GAS7: variants seen among roughly 807,000 people sequenced by gnomAD.
The protein encoded by GAS7 is growth arrest-specific protein 7.
Under a neutral mutation model 71.1 loss-of-function variants are expected in GAS7, and 28 were observed. That is an observed-to-expected ratio of 0.39 (90% confidence interval 0.29 to 0.54). The LOEUF is 0.54. Ranked by LOEUF, GAS7 falls within the 20% of genes least tolerant of loss-of-function variation. The pLI is 0.62. For missense variants in GAS7, 436 were observed against 627.8 expected (o/e 0.69, Z 3.27); for synonymous variants, 258 against 245.8 (o/e 1.05, Z -0.46).
chr17:9,948,642 C>T (rs2068882653), intron 5 of GAS7, among the ~76,000 whole-genome samples: 2 of 151,668 alleles, frequency 1.3e-5, no homozygotes, highest in African/African-American at 4.9e-5. Flanking sequence ...GAGATTGTGC[C>T]ATTGCACTCC....
chr17:9,926,071 G>T lies in GAS7; in HGVS notation c.1015-472C>A, dbSNP rs751901751. On this transcript the variant is annotated intron_variant, in intron 10 of 13. Coordinates refer to ENST00000432992, the MANE Select transcript of GAS7 (RefSeq NM_201433.2). The surrounding 1 kb of genome is among the most constrained non-coding windows in gnomAD (Gnocchi z 5.0). ...CCAGGCCACCACTGGCATCTCTGTG[G>T]TCCTTGGGTGGCGGCAGTTGGCTGG... Among the ~76,000 whole-genome samples the T allele has an allele frequency of 1.1e-4, 16 of 152,042 alleles. No homozygotes were observed. The highest frequency in any genetic ancestry group is 2.1e-4 in the Non-Finnish European group (14 of 68,012).
chr17:10,074,058 T>C (rs1481246480), intron 1 of GAS7, among the ~76,000 whole-genome samples: 1 of 152,196 alleles, frequency 6.6e-6, no homozygotes, highest in Non-Finnish European at 1.5e-5. Context: ...GCTTACTTTC[T>C]GGAAGAGAGA....
intron 3 of GAS7, among the ~76,000 whole-genome samples, chr17:9,980,396 G>A (rs773248809): frequency 1.3e-5 from 2 of 152,156 alleles, no homozygotes; most frequent in African/African-American, 2.4e-5. Flanking sequence ...ATTACCTTTG[G>A]TCCTTCCTGT....
In GAS7 at chr17:10,056,712, A is replaced by G. The variant is rs551629343; in HGVS notation, c.184-36815T>C. On this transcript the variant is annotated intron_variant, in intron 1 of 13. Coordinates refer to ENST00000432992, the MANE Select transcript of GAS7 (RefSeq NM_201433.2). Reference sequence around the variant, plus strand: ...CGGTGAAACCCCGTCTCTACTAAAAATACAAAAATTAGCTCCCTCTCCCTC... The same window carrying G: ...CGGTGAAACCCCGTCTCTACTAAAAGTACAAAAATTAGCTCCCTCTCCCTC... 2.0e-5 allele frequency among the ~76,000 whole-genome samples: 3 copies of G among 152,138 alleles called. 1 individual carries two copies. Among genetic ancestry groups the G allele is most frequent in the Admixed American group, 6.5e-5 (1 of 15,290 alleles).
At chr17:9,955,213 C>T (rs937039900) in intron 5 of GAS7, among the ~76,000 whole-genome samples, 2 of 152,182 alleles carry the variant, frequency 1.3e-5, no homozygotes, top group Non-Finnish European at 2.9e-5. Context: ...TGCTCCAAAG[C>T]CCAAGGAGGG....
chr17:9,934,893 A>G (rs943482733), intron 8 of GAS7, among the ~76,000 whole-genome samples: 17 of 152,072 alleles, frequency 1.1e-4, no homozygotes, highest in African/African-American at 4.1e-4. Flanking sequence ...GTGCCACCAC[A>G]TCCGGCTAAT....
chr17:10,190,116 G>A (rs2074486799), intron 1 of GAS7, among the ~76,000 whole-genome samples: 1 of 152,190 alleles, frequency 6.6e-6, no homozygotes, highest in South Asian at 2.1e-4. Flanking sequence ...GAGTGGATTA[G>A]TTGTGACAGA....
chr17:9,917,336 G>C lies in GAS7; in HGVS notation c.1323C>G (p.Val441=). The C allele has an allele frequency of 6.2e-7, 1 of 1,610,614 alleles. No individual in the cohort carries two copies. Among genetic ancestry groups the C allele is most frequent in the Non-Finnish European group, 8.5e-7 (1 of 1,176,720 alleles). The change falls in exon 14 of 14, where the codon GTC becomes GTG. Residue 441 remains valine (V), a synonymous_variant. Transcript: ENST00000432992. ...HETDMFNQST[V]EPVDQLLRKV... ...TTCGAAGCAGCTGATCCACGGGCTC[G>C]ACTGTCTGCAAGAGACAGAGAAAAT...
rs78761722 is a variant in GAS7 at position 9,987,984 on chromosome 17, C to T, written c.305-6100G>A. Among the ~76,000 whole-genome samples the T allele has an allele frequency of 6.2e-3, 938 of 152,300 alleles. 14 individuals are homozygous for T. Among genetic ancestry groups the T allele is most frequent in the East Asian group, 0.04 (207 of 5,164 alleles). On this transcript the variant is annotated intron_variant, in intron 2 of 13. Transcript: ENST00000432992. ...CTCGTCCACTTTTCTTGGCTTGTGCCGGCTCTCTGCTGCCCCCTGTGGTTA... is the reference window on the plus strand; with the variant it reads ...CTCGTCCACTTTTCTTGGCTTGTGCTGGCTCTCTGCTGCCCCCTGTGGTTA...
At chr17:10,120,114 C>T (rs1227068588) in intron 1 of GAS7, among the ~76,000 whole-genome samples, 4 of 150,702 alleles carry the variant, frequency 2.7e-5, no homozygotes, top group South Asian at 2.1e-4. Flanking sequence ...GCCCCCGCCC[C>T]GTGACAATCC....
rs201254619 is a variant in GAS7, at chr17:10,007,625, CAAAAAAAAAAA to C, written c.304+12141_304+12151del. ...TGGGAGACACAGCAAGATTCTGTCTCAAAAAAAAAAAAAAAAAAAAAAAAAGAACAGTTTCT... is the reference window on the plus strand; with the variant it reads ...TGGGAGACACAGCAAGATTCTGTCTCAAAAAAAAAAAAAAGAACAGTTTCT... On this transcript the variant is annotated intron_variant, in intron 2 of 13. Transcript: ENST00000432992. Among the ~76,000 whole-genome samples, 19 of 46,600 alleles carry C rather than the reference CAAAAAAAAAAA, an allele frequency of 4.1e-4. 1 individual carries two copies. In the East Asian group the frequency reaches 7.8e-3, roughly 19 times the overall value. The allele number at this position is 46,600 out of a possible 152,430, so 30.6% of individuals were successfully genotyped here. A position where few individuals can be genotyped will look rare whatever the true frequency, so the allele number is the denominator to read the frequency against.
chr17:10,030,606 G>T (rs906706473), intron 1 of GAS7, among the ~76,000 whole-genome samples: 18 of 152,356 alleles, frequency 1.2e-4, no homozygotes, highest in African/African-American at 4.3e-4. Context: ...AGAGTCCTCT[G>T]TGTGTCACCT....
chr17:10,079,381 AG>A (rs2073432544), intron 1 of GAS7, among the ~76,000 whole-genome samples: 1 of 152,222 alleles, frequency 6.6e-6, no homozygotes, highest in African/African-American at 2.4e-5. Context: ...CAGATCATGA[AG>A]GGAAATGGGG....
chr17:9,970,107 G>A (rs1266256691), intron 3 of GAS7, among the ~76,000 whole-genome samples: 2 of 151,878 alleles, frequency 1.3e-5, no homozygotes, highest in Admixed American at 1.3e-4. Context: ...TGCCAGTCAC[G>A]GGTCCAATCT....
chr17:10,028,891 G>A (rs992320523), intron 1 of GAS7, among the ~76,000 whole-genome samples: 11 of 152,166 alleles, frequency 7.2e-5, no homozygotes, highest in African/African-American at 1.9e-4. Flanking sequence ...AAATGCAAAC[G>A]TGAGGACAGA....
intron 1 of GAS7, among the ~76,000 whole-genome samples, chr17:10,131,547 G>C (rs546509110): frequency 6.6e-6 from 1 of 152,186 alleles, no homozygotes; most frequent in Admixed American, 6.5e-5. Context: ...GCTTGAACCC[G>C]GGAGGCGGAG....
At chr17:10,044,665 A>T (rs1597742780) in intron 1 of GAS7, among the ~76,000 whole-genome samples, 1 of 152,158 alleles carries the variant, frequency 6.6e-6, no homozygotes, top group East Asian at 1.9e-4. Flanking sequence ...AATTATCACA[A>T]ATCTCCAAAA....
intron 1 of GAS7, among the ~76,000 whole-genome samples, chr17:10,077,089 C>T (rs1391728510): frequency 6.6e-6 from 1 of 152,164 alleles, no homozygotes; most frequent in Non-Finnish European, 1.5e-5. Context: ...ATCCCATGTA[C>T]ACATAAAACT....
intron 1 of GAS7, among the ~76,000 whole-genome samples, chr17:10,123,610 C>G (rs1277731656): frequency 1.3e-5 from 2 of 152,240 alleles, no homozygotes; most frequent in Non-Finnish European, 2.9e-5. Context: ...CCTACTGGTC[C>G]TGTTTATCAT....
Sources: allele counts gnomAD v4.1 joint callset (sites outside exome capture counted in the v4.1 genomes callset), GRCh38; gene constraint gnomAD v4.1.1; non-coding constraint Gnocchi (gnomAD v3.1); transcripts MANE v1.5; gene names NCBI Gene and HGNC (gene_info 2026-07-23, HGNC 2026-07-21).